TAF1C: variants seen among roughly 807,000 people sequenced by gnomAD.
TAF1C encodes TATA-box binding protein associated factor, RNA polymerase I subunit C.
Under a neutral mutation model 70.5 loss-of-function variants are expected in TAF1C, and 79 were observed. That is an observed-to-expected ratio of 1.12 (90% CI 0.93 to 1.35). The LOEUF is 1.35. Ranked by LOEUF, TAF1C falls within the 40% of genes most tolerant of loss-of-function variation. TAF1C has a pLI of 0.00. For missense variants in TAF1C, 1,412 were observed against 1,127.8 expected (o/e 1.25, Z -3.61); for synonymous variants, 614 against 491.1 (o/e 1.25, Z -3.31).
chr16:84,183,549 G>C (rs1381995181), intron 3 of TAF1C, 42 bp from the exon 4 acceptor site: 2 of 1,579,010 alleles, frequency 1.3e-6, no homozygotes, highest in Non-Finnish European at 1.7e-6. Flanking sequence ...GGGCACAGGA[G>C]TGCGGCCAGA....
At position 84,183,746 on chromosome 16, in the gene TAF1C, C is replaced by A. The variant is rs1406467355; in HGVS notation, c.171G>T (p.Leu57=). The change falls in exon 3 of 15, where the codon CTG becomes CTT. Residue 57 remains leucine (L), a synonymous_variant. Coordinates refer to ENST00000566732, the MANE Select transcript of TAF1C (RefSeq NM_001243156.2). ...GAGGCCCAGGGGTTGCCGGCTCCCA[C>A]AGCAGGTCCTTGGTCACATGCAGTG... ...NGALHVTKDL[L]WEPATPGPLP... is the part of the protein sequence containing the mutation. 4 of 1,613,148 alleles carry A rather than the reference C, an allele frequency of 2.5e-6. No individual in the cohort carries two copies. The highest frequency in any genetic ancestry group is 3.4e-6 in the Non-Finnish European group (4 of 1,179,380).
chr16:84,178,835 A>G lies in TAF1C; in HGVS notation c.*106T>C. 1.6e-6 allele frequency: 2 copies of G among 1,283,884 alleles called. No homozygotes were observed. The highest frequency in any genetic ancestry group is 2.1e-6 in the Non-Finnish European group (2 of 944,038). The allele number at this position is 1,283,884 out of a possible 1,614,324, so 79.5% of individuals were successfully genotyped here. ...GGCTCATCATCACAGTGGCCTCCAG[A>G]AGGTGGCGAGCTCTGCTTCTCAAGT... On this transcript the variant is annotated 3_prime_UTR_variant, in exon 15 of 15. Coordinates refer to ENST00000566732, the MANE Select transcript of TAF1C (RefSeq NM_001243156.2).
chr16:84,181,674 G>C lies in TAF1C; in HGVS notation c.957-11C>G, dbSNP rs776734941. On this transcript the variant is annotated splice_polypyrimidine_tract_variant and intron_variant, in intron 9 of 14. Transcript: ENST00000566732. The stretch of plus-strand genomic sequence containing the variant: ...CCGGGCAGGTGAGGGCTACAGGGCA[G>C]GAATGCATTCACATCGGGCTGCTCA... The C allele has an allele frequency of 6.2e-7, 1 of 1,613,972 alleles. No individual in the cohort carries two copies. The highest frequency in any genetic ancestry group is 1.1e-5 in the South Asian group (1 of 91,078).
rs2089018472 is a variant in TAF1C at position 84,179,811 on chromosome 16, T to G, written c.1662A>C (p.Thr554=). The change falls in exon 15 of 15, where the codon ACA becomes ACC. Residue 554 remains threonine (T), a synonymous_variant. Transcript: ENST00000566732. The part of the protein sequence containing the change: ...AVVPPLPSAP[T]PGLVLFQLSA... The stretch of plus-strand genomic sequence containing the variant: ...AGAGCTGGAAGAGCACCAGGCCTGG[T>G]GTGGGCGCTGAGGGCAAGGGCGGGA... 6.2e-7 allele frequency: 1 copy of G among 1,608,868 alleles called. No individual in the cohort carries two copies. The highest frequency in any genetic ancestry group is 1.3e-5 in the African/African-American group (1 of 74,374).
At position 84,183,733 on chromosome 16, in the gene TAF1C, T is replaced by C. The variant is rs2089335442; in HGVS notation, c.184A>G (p.Thr62Ala). Residue 62 changes from threonine to alanine, a missense_variant, in exon 3 of 15, where the codon ACC (threonine) becomes GCC (alanine). Physicochemically the swap from Thr to Ala is moderately conservative, Grantham distance 58. Transcript: ENST00000566732. ...VTKDLLWEPA[T>A]PGPLPMLPPL... Reference sequence around the variant, plus strand: ...GGCAGCATGGGGAGAGGCCCAGGGGTTGCCGGCTCCCACAGCAGGTCCTTG... The same window carrying C: ...GGCAGCATGGGGAGAGGCCCAGGGGCTGCCGGCTCCCACAGCAGGTCCTTG... The C allele has an allele frequency of 6.2e-7, 1 of 1,612,708 alleles. No homozygotes were observed. The highest frequency in any genetic ancestry group is 1.3e-5 in the African/African-American group (1 of 74,808).
rs751132618 is a variant in TAF1C, at chr16:84,182,492, C to G, written c.483-52G>C. On this transcript the variant is annotated intron_variant, in intron 6 of 14. Coordinates refer to ENST00000566732, the MANE Select transcript of TAF1C (RefSeq NM_001243156.2). The surrounding 1 kb of genome is among the most constrained non-coding windows in gnomAD (Gnocchi z 5.0). Reference sequence around the variant, plus strand: ...TCACTCGGTGGCACTCAGGGGAGGACAGGTCCCATCCCAAGGAGGCCAAGT... The same window carrying G: ...TCACTCGGTGGCACTCAGGGGAGGAGAGGTCCCATCCCAAGGAGGCCAAGT... 7.2e-6 allele frequency: 11 copies of G among 1,527,172 alleles called. No individual in the cohort carries two copies. Among genetic ancestry groups the G allele is most frequent in the Non-Finnish European group, 7.9e-6 (9 of 1,132,842 alleles). The allele number at this position is 1,527,172 out of a possible 1,614,324, so 94.6% of individuals were successfully genotyped here.
intron 12 of TAF1C, 38 bp from the exon 13 acceptor site, chr16:84,180,382 G>C (rs908256410): frequency 2.0e-6 from 3 of 1,528,572 alleles, no homozygotes; most frequent in South Asian, 2.4e-5. Flanking sequence ...GGCCGAACTT[G>C]GGAGCTGAGC....
Position 84,181,737 on chromosome 16 carries a change from C to T in TAF1C, c.956+9G>A, listed in dbSNP as rs550608984. 1.2e-6 allele frequency: 2 copies of T among 1,613,752 alleles called. No individual in the cohort carries two copies. The highest frequency in any genetic ancestry group is 2.2e-5 in the East Asian group (1 of 44,884). ...GCCCCTCCTCACCGACCAACCTGAC[C>T]CCCCTCACCTGAGGCTGATCCCCGT... is the stretch of plus-strand genomic sequence containing the variant. On this transcript the variant is annotated intron_variant, in intron 9 of 14. Coordinates refer to ENST00000566732, the MANE Select transcript of TAF1C (RefSeq NM_001243156.2).
In TAF1C at chr16:84,181,587, G is replaced by A. The variant is rs372395736; in HGVS notation, c.1028+5C>T. 20 of 1,613,790 alleles carry A rather than the reference G, an allele frequency of 1.2e-5. No individual in the cohort carries two copies. The highest frequency in any genetic ancestry group is 1.5e-5 in the Non-Finnish European group (18 of 1,179,970). ...GGTGGGGGGTTTCACAGGAAGCGGC[G>A]ATACCCATCCTCAGGGCTCCACAGG... On this transcript the variant is annotated splice_donor_5th_base_variant and intron_variant, in intron 10 of 14. Transcript: ENST00000566732.
Position 84,179,245 on chromosome 16 carries a change from G to A in TAF1C, c.2228C>T (p.Ser743Leu). Residue 743 changes from serine (S) to leucine (L), a missense_variant, in exon 15 of 15, where the codon TCA becomes TTA. Transcript: ENST00000566732. ...GCTATGAGGGGAGCTGGTGTCCTCT[G>A]AGGGATCCACATGGCCACTGAGCGA... ...SFSLSGHVDP[S>L]EDTSSPHSPE... is the part of the protein sequence containing the mutation. The A allele has an allele frequency of 6.3e-7, 1 of 1,584,584 alleles. No individual in the cohort carries two copies. The highest frequency in any genetic ancestry group is 1.1e-5 in the South Asian group (1 of 88,932).
intron 9 of TAF1C, 27 bp from the exon 10 acceptor site, chr16:84,181,690 G>C (rs528264397): frequency 2.5e-6 from 4 of 1,613,726 alleles, no homozygotes; most frequent in South Asian, 1.1e-5. Flanking sequence ...CATTCACATC[G>C]GGCTGCTCAG....
At chr16:84,183,663 G>A (rs775974661) in intron 3 of TAF1C, 34 bp downstream of exon 3, 1 of 1,593,100 alleles carries the variant, frequency 6.3e-7, no homozygotes. Flanking sequence ...AGGTGGAGCA[G>A]TGTGGAGTGA....
intron 12 of TAF1C, 162 bp downstream of exon 12, chr16:84,180,881 C>A: frequency 1.4e-6 from 2 of 1,427,146 alleles, no homozygotes; most frequent in East Asian, 2.5e-5. Flanking sequence ...TTAGCACCGA[C>A]TGTGGGATCC....
rs1193843587 is a variant in TAF1C, at chr16:84,181,308, C to T, written c.1164+20G>A. 3.7e-6 allele frequency: 6 copies of T among 1,611,640 alleles called. No individual in the cohort carries two copies. Among genetic ancestry groups the T allele is most frequent in the Non-Finnish European group, 5.1e-6 (6 of 1,178,510 alleles). ...GGCCGCTCCCGCAGTCGGGGTGGGT[C>T]CTCTGCCGCCAGCCCGTACCTGAGT... On this transcript the variant is annotated intron_variant, in intron 11 of 14. Transcript: ENST00000566732.
chr16:84,183,398 G>A lies in TAF1C; in HGVS notation c.318+12C>T. On this transcript the variant is annotated intron_variant, in intron 4 of 14. Coordinates refer to ENST00000566732, the MANE Select transcript of TAF1C (RefSeq NM_001243156.2). ...CAGGCTACGCAGCACTGTCCCCCGT[G>A]GGCCCACTCACCTGCTCAGTCACAT... is the stretch of plus-strand genomic sequence containing the variant. 6.2e-7 allele frequency: 1 copy of A among 1,613,150 alleles called. No individual in the cohort carries two copies. The highest frequency in any genetic ancestry group is 8.5e-7 in the Non-Finnish European group (1 of 1,179,590).
chr16:84,184,145 G>A (rs2089354768), intron 2 of TAF1C, among the ~76,000 whole-genome samples: 1 of 152,172 alleles, frequency 6.6e-6, no homozygotes, highest in Non-Finnish European at 1.5e-5. Context: ...CTGGGAGCCC[G>A]GCAGGCGGCT....
At chr16:84,180,142 C>A in intron 13 of TAF1C, 28 bp downstream of exon 13, 1 of 1,559,184 alleles carries the variant, frequency 6.4e-7, no homozygotes, top group Non-Finnish European at 8.6e-7. Flanking sequence ...ATCTCCCACA[C>A]GCCGCCCACC....
Position 84,181,591 on chromosome 16 carries a change from C to A in TAF1C, c.1028+1G>T. The A allele has an allele frequency of 6.2e-7, 1 of 1,613,916 alleles. No individual in the cohort carries two copies. The highest frequency in any genetic ancestry group is 1.1e-5 in the South Asian group (1 of 91,086). Reference sequence around the variant, plus strand: ...GGGGGTTTCACAGGAAGCGGCGATACCCATCCTCAGGGCTCCACAGGCAGA... The same window carrying A: ...GGGGGTTTCACAGGAAGCGGCGATAACCATCCTCAGGGCTCCACAGGCAGA... On this transcript the variant is annotated splice_donor_variant, in intron 10 of 14. Coordinates refer to ENST00000566732, the MANE Select transcript of TAF1C (RefSeq NM_001243156.2). LOFTEE classifies it high-confidence loss of function.
Position 84,184,889 on chromosome 16 carries a change from C to A in TAF1C, c.100G>T (p.Ala34Ser). Residue 34 changes from alanine to serine, a missense_variant, in exon 2 of 15, where the codon GCA becomes TCA. Transcript: ENST00000566732. The part of the protein sequence containing the change: ...DLSFMCSWRD[A>S]LTLPEAQPQN... ...GGCTGGGCCTCTGGCAGAGTCAGTG[C>A]GTCTCGCCAGCTGCACATGAAAGAG... 6.2e-7 allele frequency: 1 copy of A among 1,611,454 alleles called. No individual in the cohort carries two copies. The highest frequency in any genetic ancestry group is 8.5e-7 in the Non-Finnish European group (1 of 1,178,878).
Sources: gnomAD v4.1 joint callset for allele counts (sites outside exome capture counted in the v4.1 genomes callset) on GRCh38, gnomAD v4.1.1 for gene constraint, Gnocchi (gnomAD v3.1) non-coding constraint, MANE v1.5 for transcripts, NCBI Gene and HGNC (gene_info 2026-07-23, HGNC 2026-07-21) for gene names.